The following PCDHA3 variants were observed in gnomAD, a reference collection of about 807,000 sequenced individuals.
PCDHA3 encodes the protein protocadherin alpha-3.
In PCDHA3, 41 loss-of-function variants were observed where a neutral mutation model predicts 62.2. The ratio of observed to expected loss-of-function variants is 0.66; its 90% CI spans 0.51 to 0.86. The LOEUF (loss-of-function observed/expected upper bound fraction) is 0.86, where lower values mean the gene tolerates loss of function less well. Ranked by LOEUF, PCDHA3 falls within the 40% of genes least tolerant of loss-of-function variation. The pLI, the probability that PCDHA3 is intolerant of heterozygous loss-of-function variation, is 0.00. For missense variants in PCDHA3, 1,304 were observed against 1,241.2 expected, an observed-to-expected ratio of 1.05 and a Z score of -0.76; for synonymous variants, 640 against 555.4, an observed-to-expected ratio of 1.15 and a Z score of -2.14.
intron 1 of PCDHA3, chr5:140,930,358 T>G (rs1253370170): frequency 6.6e-6 from 1 of 152,216 alleles, no homozygotes; most frequent in Non-Finnish European, 1.5e-5. Context: ...AATATTTCAA[T>G]TTATCTGTTA....
chr5:140,837,753 T>G (rs1775240938), intron 1 of PCDHA3, among the ~76,000 whole-genome samples: 1 of 151,848 alleles, frequency 6.6e-6, no homozygotes, highest in South Asian at 2.1e-4. Context: ...TATAGCCCAC[T>G]GCAACCTGAA....
Position 140,961,691 on chromosome 5 carries a change from T to A in PCDHA3, c.2395-17258T>A, listed in dbSNP as rs963909259. On this transcript the variant is annotated intron_variant, in intron 1 of 3. Transcript: ENST00000522353. Reference sequence around the variant, plus strand: ...GTTTTTAATTAAGCCGGAGTAGTCCTTAGTATGAATGCCTTCATTTCTAAG... The same window carrying A: ...GTTTTTAATTAAGCCGGAGTAGTCCATAGTATGAATGCCTTCATTTCTAAG... Among the ~76,000 whole-genome samples the A allele has an allele frequency of 2.0e-5, 3 of 152,340 alleles. No individual in the cohort carries two copies. In the East Asian group the frequency reaches 5.8e-4, roughly 29 times the overall value.
In PCDHA3 at chr5:140,829,586, G is replaced by T. The variant is rs2150170634; in HGVS notation, c.2394+25995G>T. 6.2e-7 allele frequency: 1 copy of T among 1,612,232 alleles called. No individual in the cohort carries two copies. The highest frequency in any genetic ancestry group is 8.5e-7 in the Non-Finnish European group (1 of 1,179,786). On this transcript the variant is annotated intron_variant, in intron 1 of 3. Coordinates refer to ENST00000522353, the MANE Select transcript of PCDHA3 (RefSeq NM_018906.3). ...GTCCTACTCGCTGGTGGAGCGGCGG[G>T]TGGGCGAGCGCGCGTTGTCGAGCTA... is the stretch of plus-strand genomic sequence containing the variant.
At chr5:140,968,990 T>C in intron 1 of PCDHA3, 1 of 1,614,254 alleles carries the variant, frequency 6.2e-7, no homozygotes, top group Non-Finnish European at 8.5e-7. Flanking sequence ...CACTGCATGC[T>C]GTGGAGGCTT....
chr5:140,842,711 G>A lies in PCDHA3; in HGVS notation c.2394+39120G>A, dbSNP rs1554139301. ...CGCGCAGCCCGAGTACACGGTGTTC[G>A]TGAAGGAGAACAACCCGCCGGGCTG... On this transcript the variant is annotated intron_variant, in intron 1 of 3. Coordinates refer to ENST00000522353, the MANE Select transcript of PCDHA3 (RefSeq NM_018906.3). The A allele has an allele frequency of 2.5e-6, 4 of 1,595,274 alleles. No individual in the cohort carries two copies. The South Asian group carries it at 4.4e-5, about 18-fold the overall frequency.
intron 1 of PCDHA3, chr5:140,869,566 G>A (rs782325882): frequency 1.9e-6 from 3 of 1,614,178 alleles, no homozygotes; most frequent in East Asian, 4.5e-5. Flanking sequence ...TTTTCCACTA[G>A]AGGGAGCTTC....
chr5:140,853,241 T>C (rs1032355023), intron 1 of PCDHA3: 4 of 978,568 alleles, frequency 4.1e-6, no homozygotes, highest in Admixed American at 6.3e-5. Context: ...TCCTTCATAT[T>C]AATCTCTATT....
chr5:140,834,611 G>A, intron 1 of PCDHA3: 1 of 1,614,162 alleles, frequency 6.2e-7, no homozygotes, highest in Non-Finnish European at 8.5e-7. Context: ...ATCTTCTGGA[G>A]GTAAATCTGC....
At chr5:140,947,771 T>A (rs1167163964) in intron 1 of PCDHA3, among the ~76,000 whole-genome samples, 1 of 151,706 alleles carries the variant, frequency 6.6e-6, no homozygotes, top group Non-Finnish European at 1.5e-5. Flanking sequence ...AAAATTCTAT[T>A]GTAAATGGAT....
rs1554145030 is a variant in PCDHA3 at position 140,850,906 on chromosome 5, T to C, written c.2394+47315T>C. On this transcript the variant is annotated intron_variant, in intron 1 of 3. Transcript: ENST00000522353. Reference sequence around the variant, plus strand: ...ACTGGGAAGGTGGGTTTTTCTAGCATTTTATTTATTTATATAATTTTTTTT... The same window carrying C: ...ACTGGGAAGGTGGGTTTTTCTAGCACTTTATTTATTTATATAATTTTTTTT... The C allele has an allele frequency of 1.3e-6, 2 of 1,550,722 alleles. 1 individual carries two copies. The highest frequency in any genetic ancestry group is 1.7e-6 in the Non-Finnish European group (2 of 1,145,138).
At chr5:140,861,347 G>C (rs2046872625) in intron 1 of PCDHA3, 2 of 297,216 alleles carry the variant, frequency 6.7e-6, no homozygotes, top group Non-Finnish European at 6.8e-6. Context: ...GGCCAAGGAC[G>C]GCACATAGCG....
At chr5:140,883,288 A>G (rs781835023) in intron 1 of PCDHA3, 1 of 1,614,110 alleles carries the variant, frequency 6.2e-7, no homozygotes, top group Non-Finnish European at 8.5e-7. Context: ...TGGTGGAAGT[A>G]CTAGATGTAA....
intron 1 of PCDHA3, chr5:140,850,435 T>G: frequency 1.3e-6 from 2 of 1,597,644 alleles, no homozygotes; most frequent in Middle Eastern, 1.7e-4. Flanking sequence ...CGCCAGCGCC[T>G]ACTGGTGCTG....
In PCDHA3 at chr5:140,851,928, G is replaced by A. The variant is rs1294571099; in HGVS notation, c.2394+48337G>A. 4.1e-6 allele frequency: 4 copies of A among 965,790 alleles called. 1 individual carries two copies. In the African/African-American group the frequency reaches 7.1e-5, roughly 17 times the overall value. 59.8% of individuals were successfully genotyped at this position (965,790 alleles called of 1,614,324 possible). On this transcript the variant is annotated intron_variant, in intron 1 of 3. Coordinates refer to ENST00000522353, the MANE Select transcript of PCDHA3 (RefSeq NM_018906.3). Reference sequence around the variant, plus strand: ...AATGTCACTACATGTTATGTTTCCTGAATTGTAGTATGTGACTTTCAAAAT... The same window carrying A: ...AATGTCACTACATGTTATGTTTCCTAAATTGTAGTATGTGACTTTCAAAAT...
chr5:140,864,321 C>T (rs1040853151), intron 1 of PCDHA3: 1 of 152,126 alleles, frequency 6.6e-6, no homozygotes, highest in African/African-American at 2.4e-5. Flanking sequence ...TATTTAATAT[C>T]ATAATTATTT....
intron 1 of PCDHA3, chr5:140,823,597 T>C: frequency 6.2e-7 from 1 of 1,614,008 alleles, no homozygotes; most frequent in East Asian, 2.2e-5. Flanking sequence ...TTGGCTTTCG[T>C]ATGAGCTGCA....
chr5:140,828,762 G>A lies in PCDHA3; in HGVS notation c.2394+25171G>A, dbSNP rs2150158654. The stretch of plus-strand genomic sequence containing the variant: ...GATGGGGGCAAACCTGAGCTCACAG[G>A]CACTGTTCAGCTGCTGGTCACAGTG... On this transcript the variant is annotated intron_variant, in intron 1 of 3. Coordinates refer to ENST00000522353, the MANE Select transcript of PCDHA3 (RefSeq NM_018906.3). The A allele has an allele frequency of 3.1e-6, 5 of 1,614,070 alleles. 1 individual carries two copies. The South Asian group carries it at 4.4e-5, about 14-fold the overall frequency.
At chr5:140,836,744 T>A in intron 1 of PCDHA3, 1 of 1,588,470 alleles carries the variant, frequency 6.3e-7, no homozygotes, top group Non-Finnish European at 8.5e-7. Context: ...ACAATGTGAG[T>A]CATAAATAAT....
At chr5:140,850,070 C>T (rs2041326470) in intron 1 of PCDHA3, 3 of 1,596,448 alleles carry the variant, frequency 1.9e-6, no homozygotes, top group Admixed American at 1.7e-5. Context: ...CGTTGGACCA[C>T]GAGGAGCTGG....
Sources: allele counts gnomAD v4.1 joint callset (sites outside exome capture counted in the v4.1 genomes callset), GRCh38; gene constraint gnomAD v4.1.1; transcripts MANE v1.5; gene names NCBI Gene and HGNC (gene_info 2026-07-23, HGNC 2026-07-21).